The following SHANK1 variants were observed in gnomAD, a reference collection of about 807,000 sequenced individuals.
SHANK1 encodes the protein SH3 and multiple ankyrin repeat domains 1, also known as SH3 and multiple ankyrin repeat domains protein 1.
SHANK1 carries 35 observed loss-of-function variants against 165.6 expected under a neutral mutation model. That is an observed-to-expected ratio of 0.21 (90% CI 0.16 to 0.28). SHANK1 has a LOEUF of 0.28. Ranked by LOEUF, SHANK1 falls within the 10% of genes least tolerant of loss-of-function variation. SHANK1 has a pLI of 1.00. For synonymous variants in SHANK1, 1,428 were observed against 1,384.8 expected (o/e 1.03, Z -0.69); for missense variants, 2,681 against 3,036.4 (o/e 0.88, Z 2.75).
In SHANK1 at chr19:50,686,876, C is replaced by A; in HGVS notation, c.2390-64G>T. ...CGGGGGCGGGGCGGAGCGGGCTCGG[C>A]CTGTGGGCGTGGCCAGCAGGTGCGG... is the stretch of plus-strand genomic sequence containing the variant. On this transcript the variant is annotated intron_variant, in intron 19 of 23. Transcript: ENST00000293441. The surrounding 1 kb of genome is among the most constrained non-coding windows in gnomAD (Gnocchi z 5.7). 6.3e-7 allele frequency: 1 copy of A among 1,590,276 alleles called. No homozygotes were observed. Among genetic ancestry groups the A allele is most frequent in the Non-Finnish European group, 8.6e-7 (1 of 1,164,264 alleles).
In SHANK1 at chr19:50,717,029, C is replaced by G. The variant is rs1171575517; in HGVS notation, c.-43-67G>C. On this transcript the variant is annotated intron_variant, in intron 1 of 23. Transcript: ENST00000293441. This position sits in a 1 kb window ranked among gnomAD's most constrained non-coding sequence, Gnocchi z 5.5. ...CCCCTCAGAGGCCGCAGGCGCTATT[C>G]GGTGGTCAAGCGGTCAAGGGCAGCC... is the stretch of plus-strand genomic sequence containing the variant. 68 of 1,302,412 alleles carry G rather than the reference C, an allele frequency of 5.2e-5. No individual in the cohort carries two copies. Among genetic ancestry groups the G allele is most frequent in the Non-Finnish European group, 6.2e-5 (63 of 1,010,416 alleles). 80.7% of individuals were successfully genotyped at this position (1,302,412 alleles called of 1,614,324 possible). A position where few individuals can be genotyped will look rare whatever the true frequency, so the allele number is the denominator to read the frequency against.
At position 50,668,391 on chromosome 19, in the gene SHANK1, C is replaced by T; in HGVS notation, c.3569G>A (p.Gly1190Asp). The T allele has an allele frequency of 1.1e-5, 15 of 1,310,908 alleles. No homozygotes were observed. Among genetic ancestry groups the T allele is most frequent in the South Asian group, 2.9e-5 (1 of 34,194 alleles). 81.2% of individuals were successfully genotyped at this position (1,310,908 alleles called of 1,614,324 possible). A position where few individuals can be genotyped will look rare whatever the true frequency, so the allele number is the denominator to read the frequency against. Residue 1190 changes from glycine to aspartate, a missense_variant, in exon 23 of 24, where the codon GGC becomes GAC. Transcript: ENST00000293441. The stretch of plus-strand genomic sequence containing the variant: ...GGGCGAGGAGCCGCCGCCGCCGCCG[C>T]CTCCCGTGGGCTCCGGCTGGGTGGG... ...EPPTQPEPTGGGGGGGSSPSP... is the reference protein window; with the variant it reads ...EPPTQPEPTGDGGGGGSSPSP...
rs780595272 is a variant in SHANK1, at chr19:50,716,633, C to T, written c.255+32G>A. ...CCATGTCGGTTGGGGCACTGTCCCTCTCCTGCCGCTGGCCAGTGGGCAGGT... is the reference window on the plus strand; with the variant it reads ...CCATGTCGGTTGGGGCACTGTCCCTTTCCTGCCGCTGGCCAGTGGGCAGGT... On this transcript the variant is annotated intron_variant, in intron 2 of 23. Coordinates refer to ENST00000293441, the MANE Select transcript of SHANK1 (RefSeq NM_016148.5). The surrounding 1 kb of genome is among the most constrained non-coding windows in gnomAD (Gnocchi z 8.4). 2.3e-5 allele frequency: 36 copies of T among 1,551,266 alleles called. No homozygotes were observed. Among genetic ancestry groups the T allele is most frequent in the Non-Finnish European group, 2.7e-5 (31 of 1,146,272 alleles).
At chr19:50,665,771 T>A (rs914888616) in intron 23 of SHANK1, among the ~76,000 whole-genome samples, 8 of 124,990 alleles carry the variant, frequency 6.4e-5, no homozygotes, top group Middle Eastern at 4.9e-3. Flanking sequence ...TGTTGGCTCA[T>A]GCCTGTAATC....
rs1295748263 is a variant in SHANK1, at chr19:50,660,729, G to T, written c.*1236C>A. Among the ~76,000 whole-genome samples the T allele has an allele frequency of 7.2e-6, 1 of 139,192 alleles. No homozygotes were observed. The highest frequency in any genetic ancestry group is 1.5e-5 in the Non-Finnish European group (1 of 65,202). The allele number at this position is 139,192 out of a possible 152,430, so 91.3% of individuals were successfully genotyped here. A position where few individuals can be genotyped will look rare whatever the true frequency, so the allele number is the denominator to read the frequency against. ...GGAGAGCACTGAAAATGCTGGGGGG[G>T]GGGGCGCGTGTGCAAAAGCAAGTGT... On this transcript the variant is annotated 3_prime_UTR_variant, in exon 24 of 24. Transcript: ENST00000293441.
In SHANK1 at chr19:50,718,683, G is replaced by C. The variant is rs959897532; in HGVS notation, c.-44+723C>G. The stretch of plus-strand genomic sequence containing the variant: ...CCTGGGAGGCTGTGGGGGGACAGGG[G>C]GCGGCTGGCGTGGCCGAGAGCGGGG... On this transcript the variant is annotated intron_variant, in intron 1 of 23. Coordinates refer to ENST00000293441, the MANE Select transcript of SHANK1 (RefSeq NM_016148.5). This position sits in a 1 kb window ranked among gnomAD's most constrained non-coding sequence, Gnocchi z 5.1. 6.6e-6 allele frequency among the ~76,000 whole-genome samples: 1 copy of C among 151,912 alleles called. No homozygotes were observed. The highest frequency in any genetic ancestry group is 1.5e-5 in the Non-Finnish European group (1 of 67,948).
At chr19:50,671,398 T>C (rs1190571339) in intron 22 of SHANK1, among the ~76,000 whole-genome samples, 1 of 150,910 alleles carries the variant, frequency 6.6e-6, no homozygotes, top group Non-Finnish European at 1.5e-5. Flanking sequence ...TTAACCAGGA[T>C]GGTCTCGATC....
In SHANK1 at chr19:50,716,314, C is replaced by T; in HGVS notation, c.420G>A (p.Glu140=). 2 of 1,614,186 alleles carry T rather than the reference C, an allele frequency of 1.2e-6. No homozygotes were observed. The highest frequency in any genetic ancestry group is 1.7e-6 in the Non-Finnish European group (2 of 1,180,026). Residue 140 remains glutamate, a synonymous_variant, in exon 3 of 24, where the codon GAG becomes GAA. Transcript: ENST00000293441. The surrounding 1 kb of genome is among the most constrained non-coding windows in gnomAD (Gnocchi z 8.4). ...CCCCCTTCTCAAAGGACTGGGGGTA[C>T]TCCCGCAGCAGCCTCTCCTCCTCCA... is the stretch of plus-strand genomic sequence containing the variant. ...NFLEEERLLR[E]YPQSFEKGVP...
chr19:50,711,714 G>A (rs1393616843), intron 7 of SHANK1, among the ~76,000 whole-genome samples: 1 of 152,198 alleles, frequency 6.6e-6, no homozygotes, highest in African/African-American at 2.4e-5. Context: ...GCCTCCTTAA[G>A]GGGGTCAAGA....
rs893932441 is a variant in SHANK1 at position 50,718,035 on chromosome 19, CT to C, written c.-43-1074del. 3.9e-5 allele frequency among the ~76,000 whole-genome samples: 6 copies of C among 152,132 alleles called. No homozygotes were observed. Among genetic ancestry groups the C allele is most frequent in the Non-Finnish European group, 7.4e-5 (5 of 68,014 alleles). On this transcript the variant is annotated intron_variant, in intron 1 of 23. Coordinates refer to ENST00000293441, the MANE Select transcript of SHANK1 (RefSeq NM_016148.5). This position sits in a 1 kb window ranked among gnomAD's most constrained non-coding sequence, Gnocchi z 5.1. Reference sequence around the variant, plus strand: ...GAAACCAGAATGTCTGGTCTGGTCCCTCCCCCCAACACCAGGCCCGGTTCCT... The same window carrying C: ...GAAACCAGAATGTCTGGTCTGGTCCCCCCCCCAACACCAGGCCCGGTTCCT...
chr19:50,709,945 C>T (rs1228330127), intron 8 of SHANK1, among the ~76,000 whole-genome samples: 3 of 152,154 alleles, frequency 2.0e-5, no homozygotes, highest in African/African-American at 7.2e-5. Context: ...GTAACAATGA[C>T]AATTATTATT....
chr19:50,716,680 C>A lies in SHANK1; in HGVS notation c.240G>T (p.Pro80=). The A allele has an allele frequency of 6.3e-7, 1 of 1,580,560 alleles. No individual in the cohort carries two copies. The stretch of plus-strand genomic sequence containing the variant: ...AGGTACTCACTGTCTGGTGCAGGTC[C>A]GGGATGCCAATCCTGAAGACCATCA... ...FSMMVFRIGI[P]DLHQTKCLRF... Residue 80 remains proline (P), a synonymous_variant, in exon 2 of 24, where the codon CCG becomes CCT. Transcript: ENST00000293441. This position sits in a 1 kb window ranked among gnomAD's most constrained non-coding sequence, Gnocchi z 8.4.
At chr19:50,687,488 TG>T in intron 19 of SHANK1, 93 bp downstream of exon 19, 1 of 956,984 alleles carries the variant, frequency 1.0e-6, no homozygotes, top group Non-Finnish European at 1.5e-6. Flanking sequence ...CAAGGACCCC[TG>T]GTCACTAACA....
chr19:50,676,135 C>T (rs1404244329), intron 21 of SHANK1, among the ~76,000 whole-genome samples: 1 of 131,294 alleles, frequency 7.6e-6, no homozygotes, highest in Non-Finnish European at 1.8e-5. Context: ...CTGTCTCACC[C>T]CCAATTTTTT....
At chr19:50,664,612 G>A (rs1568425480) in intron 23 of SHANK1, among the ~76,000 whole-genome samples, 1 of 152,164 alleles carries the variant, frequency 6.6e-6, no homozygotes, top group Non-Finnish European at 1.5e-5. Context: ...TGAGAAGGTG[G>A]GCTCTAGAAC....
rs1365385125 is a variant in SHANK1 at position 50,716,620 on chromosome 19, G to A, written c.255+45C>T. 6.4e-7 allele frequency: 1 copy of A among 1,552,960 alleles called. No individual in the cohort carries two copies. The highest frequency in any genetic ancestry group is 1.7e-4 in the Middle Eastern group (1 of 5,746). The stretch of plus-strand genomic sequence containing the variant: ...ACCAGTGGACTCCCCATGTCGGTTG[G>A]GGCACTGTCCCTCTCCTGCCGCTGG... On this transcript the variant is annotated intron_variant, in intron 2 of 23. Coordinates refer to ENST00000293441, the MANE Select transcript of SHANK1 (RefSeq NM_016148.5). This position sits in a 1 kb window ranked among gnomAD's most constrained non-coding sequence, Gnocchi z 8.4.
chr19:50,667,856 C>A lies in SHANK1; in HGVS notation c.4104G>T (p.Ser1368=). ...AARERALKES[S]EGGGAPQPPP... is the part of the protein sequence containing the mutation. ...GCGGCTGGGGGGCCCCGCCGCCCTCCGAGGACTCCTTCAGCGCTCGCTCGC... is the reference window on the plus strand; with the variant it reads ...GCGGCTGGGGGGCCCCGCCGCCCTCAGAGGACTCCTTCAGCGCTCGCTCGC... The change falls in exon 23 of 24, where the codon TCG becomes TCT. Residue 1368 remains serine, a synonymous_variant. Transcript: ENST00000293441. The surrounding 1 kb of genome is among the most constrained non-coding windows in gnomAD (Gnocchi z 5.7). The A allele has an allele frequency of 7.7e-7, 1 of 1,303,598 alleles. No homozygotes were observed. The highest frequency in any genetic ancestry group is 9.7e-7 in the Non-Finnish European group (1 of 1,030,160). 80.8% of individuals were successfully genotyped at this position (1,303,598 alleles called of 1,614,324 possible). A position where few individuals can be genotyped will look rare whatever the true frequency, so the allele number is the denominator to read the frequency against.
Position 50,668,874 on chromosome 19 carries a change from C to T in SHANK1, c.3086G>A (p.Gly1029Asp). The T allele has an allele frequency of 7.7e-7, 1 of 1,292,974 alleles. No homozygotes were observed. The highest frequency in any genetic ancestry group is 9.7e-7 in the Non-Finnish European group (1 of 1,026,468). 80.1% of individuals were successfully genotyped at this position (1,292,974 alleles called of 1,614,324 possible). Reference protein sequence around the residue: ...HPPHPPEMETGGSPDDPPPRL... With the variant: ...HPPHPPEMETDGSPDDPPPRL... The stretch of plus-strand genomic sequence containing the variant: ...GGGTGGAGGGTCGTCGGGAGAGCCG[C>T]CTGTCTCCATCTCGGGAGGATGAGG... Residue 1029 changes from glycine (G) to aspartate (D), a missense_variant, in exon 23 of 24, where the codon GGC becomes GAC. Gly to Asp is a moderately conservative substitution (Grantham distance 94). This residue lies in a region of SHANK1 where 1,713 missense variants were observed against 1,630.2 expected (regional missense o/e 1.05). Transcript: ENST00000293441.
At chr19:50,709,343 G>A (rs1264669718) in intron 8 of SHANK1, among the ~76,000 whole-genome samples, 1 of 152,020 alleles carries the variant, frequency 6.6e-6, no homozygotes, top group Admixed American at 6.6e-5. Context: ...GGATTTCAGC[G>A]TGTTAGCCAG....
Sources: gnomAD v4.1 joint callset for allele counts (sites outside exome capture counted in the v4.1 genomes callset) on GRCh38, gnomAD v4.1.1 for gene constraint, gnomAD v4.1.1 regional missense constraint, Gnocchi (gnomAD v3.1) non-coding constraint, MANE v1.5 for transcripts, NCBI Gene and HGNC (gene_info 2026-07-23, HGNC 2026-07-21) for gene names.